Variants in GXYLT1 observed in about 807,000 individuals in gnomAD.
GXYLT1 encodes glucoside xylosyltransferase 1.
A neutral mutation model predicts 54.0 loss-of-function variants in GXYLT1; 29 were observed. That is an observed-to-expected ratio of 0.54 (90% CI 0.40 to 0.73). The LOEUF is 0.73. Ranked by LOEUF, GXYLT1 falls within the 30% of genes least tolerant of loss-of-function variation. The probability of loss-of-function intolerance (pLI) is 0.00; values close to 1 mark genes in which losing one functional copy is unlikely to be tolerated. For synonymous variants in GXYLT1, 176 were observed against 204.1 expected, an observed-to-expected ratio of 0.86 and a Z score of 1.17; for missense variants, 490 against 553.4, an observed-to-expected ratio of 0.89 and a Z score of 1.15.
rs771190377 is a variant in GXYLT1 at position 42,144,653 on chromosome 12, G to A, written c.-7C>T. 5 of 1,377,604 alleles carry A rather than the reference G, an allele frequency of 3.6e-6. No homozygotes were observed. Among genetic ancestry groups the A allele is most frequent in the Admixed American group, 2.5e-5 (1 of 40,364 alleles). 85.3% of individuals were successfully genotyped at this position (1,377,604 alleles called of 1,614,324 possible). On this transcript the variant is annotated 5_prime_UTR_variant, in exon 1 of 8. Transcript: ENST00000398675. ...CGCGCAGGTAGCGCCGCATCGCCCCGGCCGCGCTCCTCCTTCGCCGCCGCC... is the reference window on the plus strand; with the variant it reads ...CGCGCAGGTAGCGCCGCATCGCCCCAGCCGCGCTCCTCCTTCGCCGCCGCC...
At chr12:42,114,424 G>C (rs545258636) in intron 3 of GXYLT1, among the ~76,000 whole-genome samples, 2 of 151,986 alleles carry the variant, frequency 1.3e-5, no homozygotes, top group African/African-American at 4.8e-5. Flanking sequence ...TCAAATACAC[G>C]CAATAAAACA....
At chr12:42,105,280 G>C (rs536971222) in intron 5 of GXYLT1, among the ~76,000 whole-genome samples, 1 of 152,252 alleles carries the variant, frequency 6.6e-6, no homozygotes, top group East Asian at 1.9e-4. Flanking sequence ...CTGGAAACAC[G>C]CAGGAATTTT....
At chr12:42,143,767 A>C (rs1452943520) in intron 1 of GXYLT1, among the ~76,000 whole-genome samples, 1 of 152,180 alleles carries the variant, frequency 6.6e-6, no homozygotes, top group Non-Finnish European at 1.5e-5. Context: ...TTAAATACCA[A>C]TTTGTCAAGA....
intron 3 of GXYLT1, among the ~76,000 whole-genome samples, chr12:42,115,836 A>T (rs912036434): frequency 1.4e-5 from 2 of 145,708 alleles, no homozygotes; most frequent in African/African-American, 5.0e-5. Context: ...ATGCTAAGCC[A>T]AAAGAACAAA....
At chr12:42,129,470 T>TA (rs1215684434) in intron 2 of GXYLT1, among the ~76,000 whole-genome samples, 1 of 152,176 alleles carries the variant, frequency 6.6e-6, no homozygotes, top group Non-Finnish European at 1.5e-5. Flanking sequence ...AGCCTATTTT[T>TA]ATCCTAGTTT....
chr12:42,097,786 G>T, intron 6 of GXYLT1, 124 bp downstream of exon 6: 3 of 1,008,024 alleles, frequency 3.0e-6, no homozygotes, highest in Non-Finnish European at 2.9e-6. Context: ...GTTTTACTCC[G>T]TCTTAAACAT....
At chr12:42,125,757 G>A (rs949356424) in intron 2 of GXYLT1, among the ~76,000 whole-genome samples, 1 of 152,212 alleles carries the variant, frequency 6.6e-6, no homozygotes, top group Non-Finnish European at 1.5e-5. Flanking sequence ...GCTCATGCCT[G>A]TAATCCCAGC....
intron 5 of GXYLT1, among the ~76,000 whole-genome samples, chr12:42,100,835 G>T (rs963042406): frequency 6.6e-6 from 1 of 152,016 alleles, no homozygotes; most frequent in Non-Finnish European, 1.5e-5. Context: ...AACTGGTGGA[G>T]CCCTTGTACA....
In GXYLT1 at chr12:42,083,693, A is replaced by G. The variant is rs571173749; in HGVS notation, c.*4093T>C. 42 of 152,178 alleles carry G rather than the reference A, an allele frequency of 2.8e-4. No homozygotes were observed. Among genetic ancestry groups the G allele is most frequent in the African/African-American group, 9.9e-4 (41 of 41,378 alleles). The allele number at this position is 152,178 out of a possible 1,614,324, so 9.4% of individuals were successfully genotyped here. A position where few individuals can be genotyped will look rare whatever the true frequency, so the allele number is the denominator to read the frequency against. On this transcript the variant is annotated 3_prime_UTR_variant, in exon 8 of 8. Coordinates refer to ENST00000398675, the MANE Select transcript of GXYLT1 (RefSeq NM_173601.2). Reference sequence around the variant, plus strand: ...TACTCAGAATGGTTCAACTGAAAGTATCCCAACTGAGGAATAAATAGGTGT... The same window carrying G: ...TACTCAGAATGGTTCAACTGAAAGTGTCCCAACTGAGGAATAAATAGGTGT...
At chr12:42,102,567 T>A (rs1326445954) in intron 5 of GXYLT1, among the ~76,000 whole-genome samples, 9 of 152,188 alleles carry the variant, frequency 5.9e-5, no homozygotes, top group African/African-American at 2.2e-4. Context: ...AGACACATCC[T>A]GCCCTCAGTA....
intron 2 of GXYLT1, among the ~76,000 whole-genome samples, chr12:42,122,722 A>C (rs1405053665): frequency 6.6e-6 from 1 of 152,244 alleles, no homozygotes; most frequent in Non-Finnish European, 1.5e-5. Context: ...TATAAAATTC[A>C]CTATTTTGCA....
rs1009686066 is a variant in GXYLT1, at chr12:42,107,572, T to G, written c.613-1503A>C. On this transcript the variant is annotated intron_variant, in intron 4 of 7. Coordinates refer to ENST00000398675, the MANE Select transcript of GXYLT1 (RefSeq NM_173601.2). Reference sequence around the variant, plus strand: ...CAGGTGTGGTGGCGCATGCCTGTAATCCAAGCTACTCGGGAGGCTGGGGCA... The same window carrying G: ...CAGGTGTGGTGGCGCATGCCTGTAAGCCAAGCTACTCGGGAGGCTGGGGCA... 3.3e-5 allele frequency among the ~76,000 whole-genome samples: 5 copies of G among 152,172 alleles called. No homozygotes were observed. In the East Asian group the frequency reaches 9.6e-4, roughly 29 times the overall value.
At chr12:42,098,081 T>C (rs1565566910) in intron 5 of GXYLT1, 48 bp from the exon 6 acceptor site, 3 of 1,583,088 alleles carry the variant, frequency 1.9e-6, no homozygotes, top group Non-Finnish European at 2.6e-6. Flanking sequence ...AGGCTTAAAA[T>C]GGCAGCATGA....
At chr12:42,125,640 G>C (rs1318623775) in intron 2 of GXYLT1, among the ~76,000 whole-genome samples, 1 of 152,142 alleles carries the variant, frequency 6.6e-6, no homozygotes, top group Non-Finnish European at 1.5e-5. Context: ...TTAAGCCCCA[G>C]AACAATAATT....
rs577110224 is a variant in GXYLT1 at position 42,100,438 on chromosome 12, A to C, written c.865-2405T>G. On this transcript the variant is annotated intron_variant, in intron 5 of 7. Transcript: ENST00000398675. Reference sequence around the variant, plus strand: ...CATAACATACTGAAAATTTTTTAAAAATTAATCTTTTGCCATAGTTTGAGA... The same window carrying C: ...CATAACATACTGAAAATTTTTTAAACATTAATCTTTTGCCATAGTTTGAGA... Among the ~76,000 whole-genome samples the C allele has an allele frequency of 2.0e-5, 3 of 152,244 alleles. No homozygotes were observed. The South Asian group carries it at 6.2e-4, about 32-fold the overall frequency.
At chr12:42,132,297 C>A (rs1372293300) in intron 1 of GXYLT1, among the ~76,000 whole-genome samples, 4 of 152,068 alleles carry the variant, frequency 2.6e-5, no homozygotes, top group Admixed American at 2.0e-4. Flanking sequence ...TAAAATCAGA[C>A]CTGAATGAGA....
intron 3 of GXYLT1, among the ~76,000 whole-genome samples, chr12:42,117,356 A>C (rs1259924793): frequency 1.1e-4 from 16 of 152,132 alleles, no homozygotes; most frequent in Non-Finnish European, 2.9e-5. Flanking sequence ...AGATACTAAA[A>C]ATATTTTTAA....
At chr12:42,103,673 G>A (rs1399531247) in intron 5 of GXYLT1, among the ~76,000 whole-genome samples, 1 of 152,134 alleles carries the variant, frequency 6.6e-6, no homozygotes, top group Non-Finnish European at 1.5e-5. Context: ...GCAAATCTGA[G>A]TATGTTCCCA....
chr12:42,106,344 T>C (rs2065421031), intron 4 of GXYLT1, among the ~76,000 whole-genome samples: 1 of 152,174 alleles, frequency 6.6e-6, no homozygotes, highest in Non-Finnish European at 1.5e-5. Context: ...TCTTCAAAGA[T>C]CAGGGAGGAA....
Sources: gnomAD v4.1 joint callset for allele counts (sites outside exome capture counted in the v4.1 genomes callset) on GRCh38, gnomAD v4.1.1 for gene constraint, MANE v1.5 for transcripts, NCBI Gene and HGNC (gene_info 2026-07-23, HGNC 2026-07-21) for gene names.